Variants in UNC5C observed in about 807,000 individuals in gnomAD.
The protein encoded by UNC5C is unc-5 netrin receptor C, also known as netrin receptor UNC5C.
In UNC5C, 47 loss-of-function variants were observed where a neutral mutation model predicts 99.8. The ratio of observed to expected loss-of-function variants is 0.47; its 90% CI spans 0.37 to 0.60. The LOEUF is 0.60. UNC5C is among the 20% of genes least tolerant of loss of function. The pLI is 0.00. For missense variants in UNC5C, 1,062 were observed against 1,165.9 expected, an observed-to-expected ratio of 0.91 and a Z score of 1.30; for synonymous variants, 487 against 452.2, an observed-to-expected ratio of 1.08 and a Z score of -0.98.
chr4:95,274,788 G>A (rs1740794877), intron 4 of UNC5C, among the ~76,000 whole-genome samples: 1 of 152,074 alleles, frequency 6.6e-6, no homozygotes, highest in Non-Finnish European at 1.5e-5. Context: ...CACTTTGAGA[G>A]GCTGAGGCAA....
At chr4:95,387,778 G>C (rs553074112) in intron 1 of UNC5C, among the ~76,000 whole-genome samples, 1 of 152,142 alleles carries the variant, frequency 6.6e-6, no homozygotes, top group African/African-American at 2.4e-5. Context: ...AGCTGGCATA[G>C]ATACCCATCC....
chr4:95,220,452 C>T (rs1308531550), intron 7 of UNC5C, among the ~76,000 whole-genome samples: 2 of 152,126 alleles, frequency 1.3e-5, no homozygotes, highest in African/African-American at 4.8e-5. Flanking sequence ...GAAACTGGAA[C>T]TAAAACCATC....
At chr4:95,201,592 T>G (rs1737658266) in intron 12 of UNC5C, among the ~76,000 whole-genome samples, 1 of 151,926 alleles carries the variant, frequency 6.6e-6, no homozygotes, top group Non-Finnish European at 1.5e-5. Flanking sequence ...AGAAATAATA[T>G]GCCTGCAGAG....
At chr4:95,486,752 C>G (rs993595518) in intron 1 of UNC5C, among the ~76,000 whole-genome samples, 2 of 151,566 alleles carry the variant, frequency 1.3e-5, no homozygotes. Context: ...CCACCAAGAC[C>G]CTGGCACCCA....
At chr4:95,215,755 ACT>A (rs761848751) in intron 10 of UNC5C, among the ~76,000 whole-genome samples, 3 of 152,044 alleles carry the variant, frequency 2.0e-5, no homozygotes, top group Non-Finnish European at 2.9e-5. Flanking sequence ...GTGACCTTTG[ACT>A]CTGTAATGGG....
At chr4:95,345,386 T>C (rs572536690) in intron 1 of UNC5C, among the ~76,000 whole-genome samples, 3 of 151,908 alleles carry the variant, frequency 2.0e-5, no homozygotes, top group South Asian at 4.1e-4. Flanking sequence ...AAGAGAGAGA[T>C]AGACCTCAAT....
intron 7 of UNC5C, among the ~76,000 whole-genome samples, chr4:95,227,139 G>GTTT (rs11366627): frequency 6.9e-6 from 1 of 144,832 alleles, no homozygotes; most frequent in African/African-American, 2.6e-5. Context: ...TTAAAACAAT[G>GTTT]TTTTTTTTTT....
chr4:95,344,389 C>G (rs1448237663), intron 1 of UNC5C, among the ~76,000 whole-genome samples: 1 of 151,980 alleles, frequency 6.6e-6, no homozygotes, highest in Non-Finnish European at 1.5e-5. Context: ...ACTTTCCAGA[C>G]AAACAAAAGC....
At chr4:95,403,039 T>C (rs534954800) in intron 1 of UNC5C, among the ~76,000 whole-genome samples, 7 of 152,284 alleles carry the variant, frequency 4.6e-5, no homozygotes, top group South Asian at 2.1e-4. Context: ...CTATGTTCCA[T>C]AGGATGTCAA....
chr4:95,502,937 C>T (rs1038931190), intron 1 of UNC5C, among the ~76,000 whole-genome samples: 3 of 152,140 alleles, frequency 2.0e-5, no homozygotes, highest in Non-Finnish European at 4.4e-5. Context: ...ACTAACCTTA[C>T]ATTTGCTCTT....
intron 9 of UNC5C, among the ~76,000 whole-genome samples, 164 bp downstream of exon 9, chr4:95,218,805 T>C (rs577341484): frequency 3.9e-5 from 6 of 152,296 alleles, no homozygotes; most frequent in African/African-American, 1.4e-4. Context: ...GTTTTGCTGA[T>C]TTGTCTGAAG....
At chr4:95,546,855 A>G (rs1414531474) in intron 1 of UNC5C, among the ~76,000 whole-genome samples, 1 of 152,076 alleles carries the variant, frequency 6.6e-6, no homozygotes, top group African/African-American at 2.4e-5. Flanking sequence ...CTTAGCAGGA[A>G]TCCTATCTCT....
intron 10 of UNC5C, 46 bp from the exon 11 acceptor site, chr4:95,206,842 T>G (rs757321803): frequency 2.4e-5 from 35 of 1,464,996 alleles, no homozygotes; most frequent in Non-Finnish European, 3.2e-5. Context: ...TCCATTGTAT[T>G]CATGAACTAT....
chr4:95,234,309 TGTTAA>T (rs1739020706), intron 7 of UNC5C, among the ~76,000 whole-genome samples: 1 of 152,156 alleles, frequency 6.6e-6, no homozygotes, highest in Non-Finnish European at 1.5e-5. Context: ...TTGTTATTAA[TGTTAA>T]GTTTTTTTAG....
At chr4:95,253,934 T>C (rs1198964466) in intron 4 of UNC5C, among the ~76,000 whole-genome samples, 2 of 152,208 alleles carry the variant, frequency 1.3e-5, no homozygotes, top group African/African-American at 4.8e-5. Flanking sequence ...TTTTGGTCTC[T>C]TTTTAGATTG....
chr4:95,324,779 C>A (rs941723322), intron 2 of UNC5C, among the ~76,000 whole-genome samples: 2 of 152,142 alleles, frequency 1.3e-5, no homozygotes, highest in Non-Finnish European at 2.9e-5. Flanking sequence ...AAGGACACAG[C>A]AAGAAGGCAC....
chr4:95,512,555 A>G (rs1448204746), intron 1 of UNC5C, among the ~76,000 whole-genome samples: 1 of 152,184 alleles, frequency 6.6e-6, no homozygotes, highest in Non-Finnish European at 1.5e-5. Flanking sequence ...TGGGCATTCA[A>G]GTTACCCCAG....
chr4:95,313,835 A>C (rs1033199834), intron 2 of UNC5C, among the ~76,000 whole-genome samples: 1 of 152,214 alleles, frequency 6.6e-6, no homozygotes, highest in African/African-American at 2.4e-5. Context: ...AAACATATTC[A>C]TCTAACACAA....
At chr4:95,507,185 C>A (rs1217396929) in intron 1 of UNC5C, among the ~76,000 whole-genome samples, 1 of 151,900 alleles carries the variant, frequency 6.6e-6, no homozygotes, top group Non-Finnish European at 1.5e-5. Context: ...GGAGAATAAT[C>A]ATTTTCAATT....
Sources: allele counts gnomAD v4.1 joint callset (sites outside exome capture counted in the v4.1 genomes callset), GRCh38; gene constraint gnomAD v4.1.1; transcripts MANE v1.5; gene names NCBI Gene and HGNC (gene_info 2026-07-23, HGNC 2026-07-21).